The following URB1 variants were observed in gnomAD, a reference collection of about 807,000 sequenced individuals.
URB1 encodes the protein URB1 ribosome biogenesis factor, also known as nucleolar pre-ribosomal-associated protein 1.
In URB1, 197 loss-of-function variants were observed where a neutral mutation model predicts 242.3. The observed-to-expected ratio is 0.81, with a 90% confidence interval of 0.72 to 0.91. The LOEUF (loss-of-function observed/expected upper bound fraction) is 0.91, where lower values mean the gene tolerates loss of function less well. Among genes scored for constraint, URB1 ranks in the 40% least tolerant of loss-of-function variants. The pLI is 0.00. For synonymous variants in URB1, 1,153 were observed against 1,201.8 expected, an observed-to-expected ratio of 0.96 and a Z score of 0.84; for missense variants, 2,721 against 2,860.5, an observed-to-expected ratio of 0.95 and a Z score of 1.11.
At position 32,325,373 on chromosome 21, in the gene URB1, A is replaced by T; in HGVS notation, c.4977T>A (p.Cys1659Ter). 6.4e-7 allele frequency: 1 copy of T among 1,550,474 alleles called. No individual in the cohort carries two copies. Among genetic ancestry groups the T allele is most frequent in the East Asian group, 2.4e-5 (1 of 40,874 alleles). ...ELTRPEFVVD[C>*]RKFLDSNALG... Reference sequence around the variant, plus strand: ...GAGCATTTGAATCCAAAAATTTTCGACAATCCACCACAAACTCTGCAGGAA... The same window carrying T: ...GAGCATTTGAATCCAAAAATTTTCGTCAATCCACCACAAACTCTGCAGGAA... Residue 1659 changes from cysteine to a stop codon, truncating the protein, a stop_gained, in exon 31 of 39, where the codon TGT becomes TGA. Transcript: ENST00000382751. LOFTEE classifies it high-confidence loss of function.
At chr21:32,371,489 C>G (rs541286474) in intron 8 of URB1, among the ~76,000 whole-genome samples, 1 of 152,122 alleles carries the variant, frequency 6.6e-6, no homozygotes, top group Non-Finnish European at 1.5e-5. Flanking sequence ...GGAAAATGAG[C>G]TCATTCTTAC....
chr21:32,354,050 CCT>C lies in URB1; in HGVS notation c.2297_2298del (p.Glu766GlyfsTer8), dbSNP rs1189862515. 1.3e-6 allele frequency: 2 copies of C among 1,551,736 alleles called. No individual in the cohort carries two copies. The highest frequency in any genetic ancestry group is 1.7e-6 in the Non-Finnish European group (2 of 1,147,010). ...VLVEGSEGLD[E>X]EIGFTLSEDM... ...TCTTCACTCAACGTGAACCCTATTTCCTCATCCAAGCCTTCACTGCCCTCCAC... is the reference window on the plus strand; with the variant it reads ...TCTTCACTCAACGTGAACCCTATTTCCATCCAAGCCTTCACTGCCCTCCAC... On this transcript the variant is annotated frameshift_variant, in exon 18 of 39. Coordinates refer to ENST00000382751, the MANE Select transcript of URB1 (RefSeq NM_014825.3). LOFTEE classifies it high-confidence loss of function.
chr21:32,324,719 G>A, intron 31 of URB1, 117 bp from the exon 32 acceptor site: 1 of 708,866 alleles, frequency 1.4e-6, no homozygotes, highest in South Asian at 1.7e-5. Flanking sequence ...TCATATCCCA[G>A]GGGCCACTGA....
Position 32,324,487 on chromosome 21 carries a change from G to C in URB1, c.5233+4C>G. ...TCCCCTCAACCTAATTATGTCAGTG[G>C]TACCTGGTTTCAAAATCTGCAGGGC... On this transcript the variant is annotated splice_donor_region_variant and intron_variant, in intron 32 of 38. Transcript: ENST00000382751. 6.5e-7 allele frequency: 1 copy of C among 1,549,708 alleles called. No homozygotes were observed. The highest frequency in any genetic ancestry group is 1.2e-5 in the South Asian group (1 of 84,016).
At chr21:32,361,159 A>AAAAGAAAGAATGAAAGAAAG in intron 12 of URB1, 36 bp from the exon 13 acceptor site, 1 of 268,418 alleles carries the variant, frequency 3.7e-6, no homozygotes, top group Non-Finnish European at 6.3e-6. Context: ...AAAAAGAGAA[A>AAAAGAAAGAATGAAAGAAAG]AAAGAAAGAA....
In URB1 at chr21:32,317,097, C is replaced by A. The variant is rs2032700798; in HGVS notation, c.6035-32G>T. On this transcript the variant is annotated intron_variant, in intron 37 of 38. Coordinates refer to ENST00000382751, the MANE Select transcript of URB1 (RefSeq NM_014825.3). ...AATGCACAAAGAGAAGGTAATGAGA[C>A]TGGGGTCCCTCCTGCCCACACAGAT... 2.0e-6 allele frequency: 3 copies of A among 1,490,810 alleles called. No individual in the cohort carries two copies. The African/African-American group carries it at 4.2e-5, about 21-fold the overall frequency. 92.3% of individuals were successfully genotyped at this position (1,490,810 alleles called of 1,614,324 possible).
intron 10 of URB1, among the ~76,000 whole-genome samples, chr21:32,365,620 C>T (rs1371000572): frequency 3.3e-5 from 5 of 152,148 alleles, no homozygotes; most frequent in African/African-American, 9.7e-5. Context: ...ATTTTGCATA[C>T]GATGATTTGA....
At chr21:32,319,050 C>G (rs1024181466) in intron 36 of URB1, among the ~76,000 whole-genome samples, 167 bp downstream of exon 36, 3 of 152,186 alleles carry the variant, frequency 2.0e-5, no homozygotes, top group African/African-American at 7.2e-5. Context: ...AATAGATGTT[C>G]TGACACTACC....
At chr21:32,373,115 A>G (rs1381788089) in intron 7 of URB1, among the ~76,000 whole-genome samples, 2 of 152,222 alleles carry the variant, frequency 1.3e-5, no homozygotes, top group African/African-American at 4.8e-5. Context: ...GAAAATTAAA[A>G]TATACACTGG....
chr21:32,358,417 C>T (rs1475866931), intron 14 of URB1, among the ~76,000 whole-genome samples: 2 of 152,316 alleles, frequency 1.3e-5, no homozygotes, highest in East Asian at 3.9e-4. Context: ...GATGCCAGTG[C>T]TGATAGAACG....
chr21:32,389,372 C>T (rs2033615312), intron 1 of URB1, among the ~76,000 whole-genome samples: 1 of 152,118 alleles, frequency 6.6e-6, no homozygotes, highest in Non-Finnish European at 1.5e-5. Flanking sequence ...TGGGATACCA[C>T]TGAAGGGTGT....
At chr21:32,361,751 G>C in intron 12 of URB1, 141 bp downstream of exon 12, 7 of 1,227,614 alleles carry the variant, frequency 5.7e-6, no homozygotes, top group Non-Finnish European at 7.7e-6. Context: ...AGCAAAAAAG[G>C]ATATAGACAC....
At position 32,392,759 on chromosome 21, in the gene URB1, C is replaced by G; in HGVS notation, c.142+10G>C. 1.4e-6 allele frequency: 2 copies of G among 1,447,960 alleles called. No homozygotes were observed. The highest frequency in any genetic ancestry group is 1.8e-6 in the Non-Finnish European group (2 of 1,098,672). 89.7% of individuals were successfully genotyped at this position (1,447,960 alleles called of 1,614,324 possible). ...TGCTCCCGACCCTGCGCCTGCCGCCCCGGACTCACCTGGCCCGGGGCCCTG... is the reference window on the plus strand; with the variant it reads ...TGCTCCCGACCCTGCGCCTGCCGCCGCGGACTCACCTGGCCCGGGGCCCTG... On this transcript the variant is annotated intron_variant, in intron 1 of 38. Transcript: ENST00000382751.
chr21:32,361,199 G>GAAAGAA lies in URB1; in HGVS notation c.1640-82_1640-77dup. ...AGAAAGAAAGAAAGAAAGAAAGAAA[G>GAAAGAA]AAAGAAAATAGCTTGAATTAGAAAA... is the stretch of plus-strand genomic sequence containing the variant. On this transcript the variant is annotated intron_variant, in intron 12 of 38. Transcript: ENST00000382751. The GAAAGAA allele has an allele frequency of 9.8e-6, 9 of 918,492 alleles. No homozygotes were observed. The South Asian group carries it at 1.6e-4, about 17-fold the overall frequency. The allele number at this position is 918,492 out of a possible 1,614,324, so 56.9% of individuals were successfully genotyped here. A position where few individuals can be genotyped will look rare whatever the true frequency, so the allele number is the denominator to read the frequency against.
At position 32,347,430 on chromosome 21, in the gene URB1, C is replaced by G. The variant is rs762146521; in HGVS notation, c.3394G>C (p.Glu1132Gln). 17 of 1,551,272 alleles carry G rather than the reference C, an allele frequency of 1.1e-5. No homozygotes were observed. In the African/African-American group the frequency reaches 2.2e-4, roughly 20 times the overall value. Residue 1132 changes from glutamate (E) to glutamine (Q), a missense_variant, in exon 22 of 39, where the codon GAG becomes CAG. Coordinates refer to ENST00000382751, the MANE Select transcript of URB1 (RefSeq NM_014825.3). ...EVTLALLSLP[E>Q]THLVTQQPTK... ...GGTTGCTGGGTCACCAGGTGTGTCT[C>G]AGGCAGGCTCAGCAAGGCCAGGGTG...
intron 8 of URB1, among the ~76,000 whole-genome samples, chr21:32,369,161 T>C (rs1327027229): frequency 1.3e-5 from 2 of 152,136 alleles, no homozygotes; most frequent in Non-Finnish European, 1.5e-5. Flanking sequence ...CCTTGAACTA[T>C]GTTGGCTTGG....
intron 5 of URB1, 36 bp downstream of exon 5, chr21:32,378,409 A>C (rs1439779919): frequency 1.3e-6 from 2 of 1,536,178 alleles, no homozygotes; most frequent in African/African-American, 1.4e-5. Context: ...TTTCAAAACA[A>C]ATGGGCTTTC....
At chr21:32,382,233 C>T (rs1433301198) in intron 4 of URB1, among the ~76,000 whole-genome samples, 1 of 152,176 alleles carries the variant, frequency 6.6e-6, no homozygotes, top group Non-Finnish European at 1.5e-5. Flanking sequence ...AGGCTTACTG[C>T]CAGGTAAGAC....
Position 32,368,393 on chromosome 21 carries a change from G to A in URB1, c.1197+10C>T, listed in dbSNP as rs1568827618. On this transcript the variant is annotated intron_variant, in intron 9 of 38. Coordinates refer to ENST00000382751, the MANE Select transcript of URB1 (RefSeq NM_014825.3). ...TAGCTAACAGACTTTTAAATATCAT[G>A]TTTTTTTACCTTGTTTAGTAGTTTG... 6.5e-7 allele frequency: 1 copy of A among 1,527,900 alleles called. No individual in the cohort carries two copies. Among genetic ancestry groups the A allele is most frequent in the Admixed American group, 2.1e-5 (1 of 48,172 alleles). The allele number at this position is 1,527,900 out of a possible 1,614,324, so 94.6% of individuals were successfully genotyped here. A position where few individuals can be genotyped will look rare whatever the true frequency, so the allele number is the denominator to read the frequency against.
Sources: gnomAD v4.1 joint callset for allele counts (sites outside exome capture counted in the v4.1 genomes callset) on GRCh38, gnomAD v4.1.1 for gene constraint, MANE v1.5 for transcripts, NCBI Gene and HGNC (gene_info 2026-07-23, HGNC 2026-07-21) for gene names.